The following TBXAS1 variants were observed in gnomAD, a reference collection of about 807,000 sequenced individuals.
TBXAS1 encodes the protein thromboxane A synthase 1, also known as thromboxane-A synthase.
TBXAS1 carries 48 observed loss-of-function variants against 60.7 expected under a neutral mutation model. The observed-to-expected ratio is 0.79, with a 90% confidence interval of 0.63 to 1.01. The LOEUF (loss-of-function observed/expected upper bound fraction) is 1.01, where lower values mean the gene tolerates loss of function less well. Among genes scored for constraint, TBXAS1 ranks in the 50% least tolerant of loss-of-function variants. The pLI is 0.00. For synonymous variants in TBXAS1, 287 were observed against 269.7 expected (o/e 1.06, Z -0.63); for missense variants, 685 against 686.3 (o/e 1.00, Z 0.02).
At position 139,999,247 on chromosome 7, in the gene TBXAS1, G is replaced by A. The variant is rs921539641; in HGVS notation, c.1135-7844G>A. ...TTGCCATAAGAACTCAGGGCTGGCCGGGCGCCATGGCTTACGCCTATAATC... is the reference window on the plus strand; with the variant it reads ...TTGCCATAAGAACTCAGGGCTGGCCAGGCGCCATGGCTTACGCCTATAATC... On this transcript the variant is annotated intron_variant, in intron 9 of 12. Transcript: ENST00000448866. The surrounding 1 kb of genome is among the most constrained non-coding windows in gnomAD (Gnocchi z 4.3). Among the ~76,000 whole-genome samples, 26 of 152,344 alleles carry A rather than the reference G, an allele frequency of 1.7e-4. No individual in the cohort carries two copies. The highest frequency in any genetic ancestry group is 5.5e-4 in the African/African-American group (23 of 41,588).
At chr7:139,895,536 G>A (rs936307110) in intron 3 of TBXAS1, among the ~76,000 whole-genome samples, 4 of 152,242 alleles carry the variant, frequency 2.6e-5, no homozygotes, top group Non-Finnish European at 1.5e-5. Context: ...TTACCAGGAA[G>A]GGGGTGACCC....
chr7:139,800,471 C>T lies in TBXAS1; in HGVS notation c.-80+13045C>T, dbSNP rs373640739. Among the ~76,000 whole-genome samples, 12 of 152,256 alleles carry T rather than the reference C, an allele frequency of 7.9e-5. No homozygotes were observed. The East Asian group carries it at 1.4e-3, about 17-fold the overall frequency. Reference sequence around the variant, plus strand: ...TGGCTTAAATATCTTCAGAGAAGCCCTTCTGGACTTCCTTCAGTAGTGTCA... The same window carrying T: ...TGGCTTAAATATCTTCAGAGAAGCCTTTCTGGACTTCCTTCAGTAGTGTCA... On this transcript the variant is annotated intron_variant, in intron 4 of 16. Transcript: ENST00000336425.
At chr7:139,840,705 C>T (rs1047666035) in intron 1 of TBXAS1, among the ~76,000 whole-genome samples, 6 of 152,106 alleles carry the variant, frequency 3.9e-5, no homozygotes, top group Non-Finnish European at 7.4e-5. Context: ...CCAGGGTTGA[C>T]GTATTGTTTC....
chr7:139,938,691 G>T (rs1407245760), intron 5 of TBXAS1, among the ~76,000 whole-genome samples: 1 of 152,158 alleles, frequency 6.6e-6, no homozygotes, highest in Non-Finnish European at 1.5e-5. Flanking sequence ...TGAGCCTAGG[G>T]CTGGCATCAC....
chr7:139,811,030 T>TAC (rs1405073344), intron 4 of TBXAS1, among the ~76,000 whole-genome samples: 1 of 152,162 alleles, frequency 6.6e-6, no homozygotes, highest in East Asian at 1.9e-4. Flanking sequence ...ATTCTATCCA[T>TAC]ACACACACAC....
intron 4 of TBXAS1, chr7:139,914,029 CTTTT>C (rs1248707719): frequency 2.2e-5 from 3 of 137,634 alleles, no homozygotes; most frequent in Non-Finnish European, 1.6e-5. Flanking sequence ...GAGCACATAT[CTTTT>C]TTTTTTTTTT....
At chr7:139,804,072 C>A (rs1040410929) in intron 4 of TBXAS1, among the ~76,000 whole-genome samples, 2 of 152,172 alleles carry the variant, frequency 1.3e-5, no homozygotes, top group African/African-American at 2.4e-5. Flanking sequence ...ACAGCCTGCA[C>A]CATACACCAG....
chr7:139,915,060 A>T (rs1188456620), intron 4 of TBXAS1, among the ~76,000 whole-genome samples: 1 of 152,228 alleles, frequency 6.6e-6, no homozygotes. Flanking sequence ...ATCTCCAGGA[A>T]ATCCCAGTGT....
chr7:139,931,591 C>A (rs1473633626), intron 4 of TBXAS1, among the ~76,000 whole-genome samples: 1 of 152,186 alleles, frequency 6.6e-6, no homozygotes, highest in Non-Finnish European at 1.5e-5. Context: ...TGGCAGCAGA[C>A]AAGAGAAGAG....
intron 1 of TBXAS1, among the ~76,000 whole-genome samples, chr7:139,853,086 T>C (rs1033263277): frequency 6.6e-6 from 1 of 151,398 alleles, no homozygotes; most frequent in African/African-American, 2.4e-5. Flanking sequence ...TTTACTGAAG[T>C]GAAGACCTGG....
In TBXAS1 at chr7:139,852,983, C is replaced by CACACACACACACACACAA. The variant is rs1554475209; in HGVS notation, c.90-19245_90-19244insCACACACACAAACACACA. 7.8e-6 allele frequency among the ~76,000 whole-genome samples: 1 copy of CACACACACACACACACAA among 127,726 alleles called. No homozygotes were observed. The highest frequency in any genetic ancestry group is 1.7e-5 in the Non-Finnish European group (1 of 60,396). The allele number at this position is 127,726 out of a possible 152,430, so 83.8% of individuals were successfully genotyped here. On this transcript the variant is annotated intron_variant, in intron 1 of 12. Transcript: ENST00000448866. The surrounding 1 kb of genome is among the most constrained non-coding windows in gnomAD (Gnocchi z 4.4). ...ACACACACACACACACACACACACA[C>CACACACACACACACACAA]ACACACAGTTGGCCAAAGAAGCAAC...
chr7:139,955,474 CACCA>C lies in TBXAS1; in HGVS notation c.556_559del (p.Thr186GlnfsTer24). Reference sequence around the variant, plus strand: ...TCTCCCGTAGGTGCTACTGCAATTACACCACAGATGTGGTTGCCAGCGTCGCCTT... The same window carrying C: ...TCTCCCGTAGGTGCTACTGCAATTACCAGATGTGGTTGCCAGCGTCGCCTT... On this transcript the variant is annotated frameshift_variant, in exon 7 of 13. Transcript: ENST00000448866. LOFTEE classifies it high-confidence loss of function. 1.9e-6 allele frequency: 3 copies of C among 1,614,226 alleles called. No homozygotes were observed. Among genetic ancestry groups the C allele is most frequent in the Non-Finnish European group, 2.5e-6 (3 of 1,180,028 alleles).
chr7:139,913,611 A>T (rs1340770872), intron 4 of TBXAS1: 1 of 157,480 alleles, frequency 6.4e-6, no homozygotes, highest in Admixed American at 6.3e-5. Flanking sequence ...AGGAGGACAC[A>T]ATAATATTGC....
intron 4 of TBXAS1, among the ~76,000 whole-genome samples, chr7:139,809,320 T>TTAGA (rs55917453): frequency 0.12 from 17,394 of 144,780 alleles, 1,050 homozygotes; most frequent in Middle Eastern, 0.15. Flanking sequence ...CAATAGGAGA[T>TTAGA]TAGATAGATA....
At chr7:139,941,929 T>C (rs1295176991) in intron 5 of TBXAS1, among the ~76,000 whole-genome samples, 2 of 152,262 alleles carry the variant, frequency 1.3e-5, no homozygotes, top group African/African-American at 4.8e-5. Flanking sequence ...GATTTATTTT[T>C]AAATTTTATA....
intron 4 of TBXAS1, among the ~76,000 whole-genome samples, chr7:139,815,135 G>A (rs547243708): frequency 2.0e-5 from 3 of 152,320 alleles, no homozygotes; most frequent in South Asian, 4.1e-4. Flanking sequence ...GTAAGAGAAT[G>A]TAAATTTAAA....
intron 3 of TBXAS1, among the ~76,000 whole-genome samples, chr7:139,885,890 CA>C (rs916100670): frequency 2.0e-5 from 3 of 152,068 alleles, no homozygotes; most frequent in East Asian, 3.8e-4. Flanking sequence ...AACTTTCAAG[CA>C]AAAAAAGTCA....
chr7:139,914,029 C>CTT (rs1248707719), intron 4 of TBXAS1: 2,085 of 137,616 alleles, frequency 0.015, 73 homozygotes, highest in African/African-American at 0.053. Context: ...GAGCACATAT[C>CTT]TTTTTTTTTT....
intron 10 of TBXAS1, among the ~76,000 whole-genome samples, chr7:140,009,832 T>C (rs1814434096): frequency 1.5e-5 from 1 of 64,984 alleles, no homozygotes; most frequent in African/African-American, 6.3e-5. Context: ...GCTCCACACC[T>C]GTCCCATGCC....
Sources: allele counts gnomAD v4.1 joint callset (sites outside exome capture counted in the v4.1 genomes callset), GRCh38; gene constraint gnomAD v4.1.1; non-coding constraint Gnocchi (gnomAD v3.1); transcripts MANE v1.5; gene names NCBI Gene and HGNC (gene_info 2026-07-23, HGNC 2026-07-21).